The following FBH1 variants were observed in gnomAD, a reference collection of about 807,000 sequenced individuals.
FBH1 encodes F-box DNA helicase 1.
A neutral mutation model predicts 115.5 loss-of-function variants in FBH1; 43 were observed. That is an observed-to-expected ratio of 0.37 (90% CI 0.29 to 0.48). The LOEUF is 0.48. Among genes scored for constraint, FBH1 ranks in the 20% least tolerant of loss-of-function variants. FBH1 has a pLI of 0.99. For synonymous variants in FBH1, 524 were observed against 507.8 expected (o/e 1.03, Z -0.43); for missense variants, 1,001 against 1,337.3 (o/e 0.75, Z 3.92).
At chr10:5,929,046 C>T (rs1350150969) in intron 19 of FBH1, among the ~76,000 whole-genome samples, 1 of 152,106 alleles carries the variant, frequency 6.6e-6, no homozygotes, top group African/African-American at 2.4e-5. Flanking sequence ...TGATATTCAA[C>T]TCTCAGAGGT....
chr10:5,914,159 T>C lies in FBH1; in HGVS notation c.1305-19T>C. 6.2e-7 allele frequency: 1 copy of C among 1,610,574 alleles called. No homozygotes were observed. Among genetic ancestry groups the C allele is most frequent in the Non-Finnish European group, 8.5e-7 (1 of 1,176,746 alleles). ...CACGTCTTTCTGTTTTTCTTACTTCTCTTTTGTAATGATTATAGCAAGAAA... is the reference window on the plus strand; with the variant it reads ...CACGTCTTTCTGTTTTTCTTACTTCCCTTTTGTAATGATTATAGCAAGAAA... On this transcript the variant is annotated intron_variant, in intron 7 of 20. Transcript: ENST00000362091. This position sits in a 1 kb window ranked among gnomAD's most constrained non-coding sequence, Gnocchi z 5.2.
In FBH1 at chr10:5,916,299, C is replaced by T; in HGVS notation, c.1631C>T (p.Ala544Val). ...LTPFMVNSVLAEGKGGFIRAK... is the reference protein window; with the variant it reads ...LTPFMVNSVLVEGKGGFIRAK... ...CCCTTCATGGTCAACTCCGTCCTTG[C>T]TGAAGGGAAGGGTGGATTCATAAGA... Residue 544 changes from alanine (A) to valine (V), a missense_variant, in exon 10 of 21, where the codon GCT becomes GTT. By Grantham distance (64) the Ala-to-Val change is moderately conservative (BLOSUM62 0). Around this residue, in one of 4 missense-constraint regions of FBH1, gnomAD observed 521 missense variants for 811.0 expected, o/e 0.64. Coordinates refer to ENST00000362091, the MANE Select transcript of FBH1 (RefSeq NM_178150.3). 6.2e-7 allele frequency: 1 copy of T among 1,614,190 alleles called. No individual in the cohort carries two copies. The highest frequency in any genetic ancestry group is 8.5e-7 in the Non-Finnish European group (1 of 1,180,042).
chr10:5,903,106 C>A lies in FBH1; in HGVS notation c.88C>A (p.Gln30Lys), dbSNP rs1247452830. 4 of 1,613,772 alleles carry A rather than the reference C, an allele frequency of 2.5e-6. No individual in the cohort carries two copies. The highest frequency in any genetic ancestry group is 2.2e-5 in the South Asian group (2 of 90,978). Residue 30 changes from glutamine to lysine, a missense_variant, in exon 2 of 21, where the codon CAA becomes AAA. Gln to Lys is a moderately conservative substitution (Grantham distance 53). Around this residue, in one of 4 missense-constraint regions of FBH1, gnomAD observed 420 missense variants for 430.4 expected, o/e 0.98. Transcript: ENST00000362091. ...CTTGGCTGTGACCCAGCCCTTCGGT[C>A]AAAGATGGACAAACAGAGATCCGAA... ...SHLAVTQPFG[Q>K]RWTNRDPNHG...
intron 19 of FBH1, among the ~76,000 whole-genome samples, chr10:5,930,415 T>C (rs1832901264): frequency 6.6e-6 from 1 of 152,220 alleles, no homozygotes; most frequent in South Asian, 2.1e-4. Flanking sequence ...CTACAGAGCG[T>C]CCCCATTCTT....
In FBH1 at chr10:5,937,335, A is replaced by G; in HGVS notation, c.*55A>G. Reference sequence around the variant, plus strand: ...AGCAGCTTGCCGAGGACCCCGCGTGAAGAAAGCCAGCGAGGGGGGCTTCTG... The same window carrying G: ...AGCAGCTTGCCGAGGACCCCGCGTGGAGAAAGCCAGCGAGGGGGGCTTCTG... On this transcript the variant is annotated 3_prime_UTR_variant, in exon 21 of 21. Coordinates refer to ENST00000362091, the MANE Select transcript of FBH1 (RefSeq NM_178150.3). 7.0e-7 allele frequency: 1 copy of G among 1,430,788 alleles called. No individual in the cohort carries two copies. Among genetic ancestry groups the G allele is most frequent in the East Asian group, 2.8e-5 (1 of 36,280 alleles). The allele number at this position is 1,430,788 out of a possible 1,614,324, so 88.6% of individuals were successfully genotyped here. A position where few individuals can be genotyped will look rare whatever the true frequency, so the allele number is the denominator to read the frequency against.
At chr10:5,896,711 T>C (rs1017029114) in intron 1 of FBH1, among the ~76,000 whole-genome samples, 2 of 152,104 alleles carry the variant, frequency 1.3e-5, no homozygotes, top group Non-Finnish European at 2.9e-5. Flanking sequence ...GATTCTAATC[T>C]CTCTGCACCC....
chr10:5,902,952 T>C, intron 1 of FBH1, 68 bp from the exon 2 acceptor site: 1 of 1,474,556 alleles, frequency 6.8e-7, no homozygotes, highest in East Asian at 2.5e-5. Flanking sequence ...TATAATGTGC[T>C]GGCTAGCTTG....
In FBH1 at chr10:5,913,605, C is replaced by T. The variant is rs770956581; in HGVS notation, c.1212-142C>T. ...TGCCAGCCATAGATATATTTAAATC[C>T]TTTTCTTTCTTTTTTCCATTAAATG... is the stretch of plus-strand genomic sequence containing the variant. On this transcript the variant is annotated intron_variant, in intron 6 of 20. Coordinates refer to ENST00000362091, the MANE Select transcript of FBH1 (RefSeq NM_178150.3). The surrounding 1 kb of genome is among the most constrained non-coding windows in gnomAD (Gnocchi z 4.4). 1 of 571,180 alleles carries T rather than the reference C, an allele frequency of 1.8e-6. No individual in the cohort carries two copies. The highest frequency in any genetic ancestry group is 3.0e-6 in the Non-Finnish European group (1 of 335,818). The allele number at this position is 571,180 out of a possible 1,614,324, so 35.4% of individuals were successfully genotyped here.
Position 5,911,000 on chromosome 10 carries a change from C to G in FBH1, c.1083C>G (p.Ile361Met). Residue 361 changes from isoleucine (I) to methionine (M), a missense_variant, in exon 6 of 21, where the codon ATC becomes ATG. Ile to Met is a conservative substitution (Grantham distance 10). Transcript: ENST00000362091. This position sits in a 1 kb window ranked among gnomAD's most constrained non-coding sequence, Gnocchi z 4.8. ...VVLLSSSVND[I>M]QRLLFCLRRP... ...TCCTCTCCAGCAGTGTGAATGACATCCAGCGACTGCTCTTCTGCCTCCGGA... is the reference window on the plus strand; with the variant it reads ...TCCTCTCCAGCAGTGTGAATGACATGCAGCGACTGCTCTTCTGCCTCCGGA... 6.2e-7 allele frequency: 1 copy of G among 1,612,652 alleles called. No individual in the cohort carries two copies. Among genetic ancestry groups the G allele is most frequent in the Non-Finnish European group, 8.5e-7 (1 of 1,180,016 alleles).
At position 5,911,207 on chromosome 10, in the gene FBH1, C is replaced by T; in HGVS notation, c.1211+79C>T. 2 of 1,422,906 alleles carry T rather than the reference C, an allele frequency of 1.4e-6. No individual in the cohort carries two copies. The highest frequency in any genetic ancestry group is 1.9e-6 in the Non-Finnish European group (2 of 1,043,356). 88.1% of individuals were successfully genotyped at this position (1,422,906 alleles called of 1,614,324 possible). On this transcript the variant is annotated intron_variant, in intron 6 of 20. Transcript: ENST00000362091. The surrounding 1 kb of genome is among the most constrained non-coding windows in gnomAD (Gnocchi z 5.4). ...CACAGCAGCAGGTCCAGCCCTGCCACTTAGCAGTGTTAGCACCTGGCAGGC... is the reference window on the plus strand; with the variant it reads ...CACAGCAGCAGGTCCAGCCCTGCCATTTAGCAGTGTTAGCACCTGGCAGGC...
Position 5,926,175 on chromosome 10 carries a change from C to G in FBH1, c.2722+683C>G, listed in dbSNP as rs547594951. The stretch of plus-strand genomic sequence containing the variant: ...TCACTCTGTCACCCAGGCTGGAGTG[C>G]AGTGGCACGATCTCGGCTCACTGCA... On this transcript the variant is annotated intron_variant, in intron 18 of 20. Transcript: ENST00000362091. Among the ~76,000 whole-genome samples, 3 of 152,290 alleles carry G rather than the reference C, an allele frequency of 2.0e-5. No individual in the cohort carries two copies. In the East Asian group the frequency reaches 5.8e-4, roughly 29 times the overall value.
Position 5,937,069 on chromosome 10 carries a change from T to C in FBH1, c.2962-41T>C, listed in dbSNP as rs768880992. On this transcript the variant is annotated intron_variant, in intron 20 of 20. Transcript: ENST00000362091. ...TTTTTGCTGGAAAATCCATGTTCTT[T>C]GGTTGTTCCCCTTAGCTCTCTCTCT... is the stretch of plus-strand genomic sequence containing the variant. The C allele has an allele frequency of 1.8e-5, 28 of 1,534,678 alleles. No homozygotes were observed. The African/African-American group carries it at 3.6e-4, about 20-fold the overall frequency.
At position 5,910,877 on chromosome 10, in the gene FBH1, G is replaced by T; in HGVS notation, c.1021-61G>T. The T allele has an allele frequency of 6.8e-7, 1 of 1,464,824 alleles. No homozygotes were observed. The highest frequency in any genetic ancestry group is 9.3e-7 in the Non-Finnish European group (1 of 1,080,254). The allele number at this position is 1,464,824 out of a possible 1,614,324, so 90.7% of individuals were successfully genotyped here. A position where few individuals can be genotyped will look rare whatever the true frequency, so the allele number is the denominator to read the frequency against. ...TCGGCTTTCCTGACTCCTTCCTGCT[G>T]TGATTCGTATTAACCATGGCCTGTG... On this transcript the variant is annotated intron_variant, in intron 5 of 20. Coordinates refer to ENST00000362091, the MANE Select transcript of FBH1 (RefSeq NM_178150.3). This position sits in a 1 kb window ranked among gnomAD's most constrained non-coding sequence, Gnocchi z 4.8.
Position 5,906,035 on chromosome 10 carries a change from A to G in FBH1, c.158-2A>G. The G allele has an allele frequency of 1.2e-6, 2 of 1,600,402 alleles. No homozygotes were observed. The highest frequency in any genetic ancestry group is 1.7e-6 in the Non-Finnish European group (2 of 1,168,684). On this transcript the variant is annotated splice_acceptor_variant, in intron 2 of 20. Coordinates refer to ENST00000362091, the MANE Select transcript of FBH1 (RefSeq NM_178150.3). LOFTEE classifies it high-confidence loss of function. The surrounding 1 kb of genome is among the most constrained non-coding windows in gnomAD (Gnocchi z 7.3). ...TCCATCCTGTTTGGGTTCTCTCTAC[A>G]GGTCAGGGAAGTCAAAGATGCATCC...
In FBH1 at chr10:5,909,183, T is replaced by C. The variant is rs2131947839; in HGVS notation, c.909T>C (p.Ser303=). 6.2e-7 allele frequency: 1 copy of C among 1,613,760 alleles called. No individual in the cohort carries two copies. The highest frequency in any genetic ancestry group is 8.5e-7 in the Non-Finnish European group (1 of 1,180,010). ...GATACACAGCCACCACTAAGTGCTC[T>C]CCGAGTGTGGATCCCGAGAGGGTGC... ...LIRYTATTKC[S]PSVDPERVLW... The change falls in exon 5 of 21, where the codon TCT becomes TCC. Residue 303 remains serine (S), a synonymous_variant. Transcript: ENST00000362091. The surrounding 1 kb of genome is among the most constrained non-coding windows in gnomAD (Gnocchi z 4.4).
intron 2 of FBH1, among the ~76,000 whole-genome samples, chr10:5,904,970 T>C (rs1319181522): frequency 6.6e-6 from 1 of 152,250 alleles, no homozygotes; most frequent in Non-Finnish European, 1.5e-5. Flanking sequence ...AAAGGAACTA[T>C]GTATTATTGA....
intron 3 of FBH1, among the ~76,000 whole-genome samples, chr10:5,907,472 G>GTT (rs34817242): frequency 1.1e-3 from 117 of 111,208 alleles, no homozygotes; most frequent in South Asian, 2.0e-3. Flanking sequence ...GTTGTTGTTG[G>GTT]TTTTTTTTTT....
Position 5,918,436 on chromosome 10 carries a change from C to T in FBH1, c.2058C>T (p.Ala686=), listed in dbSNP as rs34181117. 5.5e-4 allele frequency: 890 copies of T among 1,611,044 alleles called. 4 individuals carry two copies. The African/African-American group carries it at 0.01, about 19-fold the overall frequency. ...QIYTFRGAVN[A]LFTVPHTHVF... ...ATACCTTCCGGGGTGCGGTCAACGC[C>T]CTGTTCACAGTGCCCCACACCCACG... The change falls in exon 13 of 21, where the codon GCC becomes GCT. Residue 686 remains alanine (A), a synonymous_variant. Coordinates refer to ENST00000362091, the MANE Select transcript of FBH1 (RefSeq NM_178150.3). The surrounding 1 kb of genome is among the most constrained non-coding windows in gnomAD (Gnocchi z 4.0).
At position 5,936,472 on chromosome 10, in the gene FBH1, C is replaced by G; in HGVS notation, c.2846C>G (p.Ala949Gly). The G allele has an allele frequency of 6.2e-7, 1 of 1,613,848 alleles. No homozygotes were observed. The highest frequency in any genetic ancestry group is 8.5e-7 in the Non-Finnish European group (1 of 1,179,916). ...CTTTCTCAGGAGTACTTCTTGCAAGCAGAGCTGACAAGCAACGTCTTAAAA... is the reference window on the plus strand; with the variant it reads ...CTTTCTCAGGAGTACTTCTTGCAAGGAGAGCTGACAAGCAACGTCTTAAAA... ...LTLAGEYFLQ[A>G]ELTSNVLKTG... Residue 949 changes from alanine (A) to glycine (G), a missense_variant, in exon 20 of 21, where the codon GCA becomes GGA. Physicochemically the swap from Ala to Gly is moderately conservative, Grantham distance 60 (BLOSUM62 0). Around this residue, in one of 4 missense-constraint regions of FBH1, gnomAD observed 521 missense variants for 811.0 expected, o/e 0.64. Transcript: ENST00000362091. This position sits in a 1 kb window ranked among gnomAD's most constrained non-coding sequence, Gnocchi z 5.6.
Sources: allele counts gnomAD v4.1 joint callset (sites outside exome capture counted in the v4.1 genomes callset), GRCh38; gene constraint gnomAD v4.1.1; regional missense constraint gnomAD v4.1.1; non-coding constraint Gnocchi (gnomAD v3.1); transcripts MANE v1.5; gene names NCBI Gene and HGNC (gene_info 2026-07-23, HGNC 2026-07-21).